CDCP1: variants seen among roughly 807,000 people sequenced by gnomAD.
CDCP1 encodes the protein CUB domain containing protein 1.
Under a neutral mutation model 60.2 loss-of-function variants are expected in CDCP1, and 29 were observed. The ratio of observed to expected loss-of-function variants is 0.48; its 90% CI spans 0.36 to 0.66. The LOEUF is 0.66. Among genes scored for constraint, CDCP1 ranks in the 30% least tolerant of loss-of-function variants. CDCP1 has a pLI of 0.00. For synonymous variants in CDCP1, 387 were observed against 431.1 expected (o/e 0.90, Z 1.27); for missense variants, 876 against 1,074.3 (o/e 0.82, Z 2.58).
chr3:45,115,418 C>T (rs925771993), intron 2 of CDCP1, among the ~76,000 whole-genome samples: 7 of 152,156 alleles, frequency 4.6e-5, no homozygotes, highest in African/African-American at 7.2e-5. Flanking sequence ...TGTGCATGTG[C>T]ACATGTGTGT....
intron 1 of CDCP1, among the ~76,000 whole-genome samples, chr3:45,120,209 C>T (rs1378444102): frequency 6.6e-6 from 1 of 152,176 alleles, no homozygotes; most frequent in African/African-American, 2.4e-5. Flanking sequence ...ATGCTGTATT[C>T]CCACAGCTCA....
rs1326636155 is a variant in CDCP1 at position 45,084,659 on chromosome 3, C to G, written c.*979G>C. ...CACCTTGATTTTCATTCAGGGACAT[C>G]CATTTTGGAATTCTGATCCCCAGGA... On this transcript the variant is annotated 3_prime_UTR_variant, in exon 9 of 9. Transcript: ENST00000296129. The G allele has an allele frequency of 6.6e-6, 1 of 152,556 alleles. No individual in the cohort carries two copies. The highest frequency in any genetic ancestry group is 1.5e-5 in the Non-Finnish European group (1 of 68,028). 9.5% of individuals were successfully genotyped at this position (152,556 alleles called of 1,614,324 possible). A position where few individuals can be genotyped will look rare whatever the true frequency, so the allele number is the denominator to read the frequency against.
At chr3:45,114,413 C>CTTTTT (rs10688307) in intron 2 of CDCP1, among the ~76,000 whole-genome samples, 11 of 143,946 alleles carry the variant, frequency 7.6e-5, no homozygotes, top group Non-Finnish European at 1.4e-4. Flanking sequence ...CATTAACTCT[C>CTTTTT]TTTTTTTTTT....
intron 1 of CDCP1, among the ~76,000 whole-genome samples, chr3:45,134,544 T>G (rs907862381): frequency 3.3e-5 from 5 of 152,102 alleles, no homozygotes; most frequent in African/African-American, 4.8e-5. Flanking sequence ...AATACATCCC[T>G]CAGTTTAAAC....
chr3:45,094,703 G>T (rs1036974758), intron 5 of CDCP1, among the ~76,000 whole-genome samples: 1 of 151,918 alleles, frequency 6.6e-6, no homozygotes, highest in African/African-American at 2.4e-5. Flanking sequence ...GTGTGGAAGT[G>T]GGGGTGTGGG....
chr3:45,106,822 C>T (rs1698574222), intron 4 of CDCP1, among the ~76,000 whole-genome samples: 1 of 152,124 alleles, frequency 6.6e-6, no homozygotes, highest in Non-Finnish European at 1.5e-5. Flanking sequence ...GGGAAACTAG[C>T]CCCAGGAGAT....
chr3:45,129,984 G>A (rs1203477659), intron 1 of CDCP1, among the ~76,000 whole-genome samples: 1 of 152,016 alleles, frequency 6.6e-6, no homozygotes, highest in Non-Finnish European at 1.5e-5. Flanking sequence ...AAAGGGGTAA[G>A]AGAGAAAATT....
intron 1 of CDCP1, 121 bp downstream of exon 1, chr3:45,146,085 C>T: frequency 1.4e-6 from 1 of 738,090 alleles, no homozygotes; most frequent in Non-Finnish European, 2.0e-6. Context: ...CCGTCCCCGC[C>T]CTCTCTCCGC....
chr3:45,097,492 A>C (rs1698420875), intron 4 of CDCP1, among the ~76,000 whole-genome samples: 2 of 147,832 alleles, frequency 1.4e-5, no homozygotes, highest in Admixed American at 1.4e-4. Context: ...TTTGAATTTC[A>C]TTCATTCTTT....
At position 45,110,764 on chromosome 3, in the gene CDCP1, G is replaced by A; in HGVS notation, c.733C>T (p.Pro245Ser). 1 of 1,614,124 alleles carries A rather than the reference G, an allele frequency of 6.2e-7. No homozygotes were observed. Among genetic ancestry groups the A allele is most frequent in the Non-Finnish European group, 8.5e-7 (1 of 1,180,024 alleles). ...LMSANYPEGFPEDELMTWQFV... is the reference protein window; with the variant it reads ...LMSANYPEGFSEDELMTWQFV... Reference sequence around the variant, plus strand: ...TGCCACGTCATGAGCTCATCCTCAGGGAAGCCTTCTGGGTAGTTGGCAGAC... The same window carrying A: ...TGCCACGTCATGAGCTCATCCTCAGAGAAGCCTTCTGGGTAGTTGGCAGAC... Residue 245 changes from proline to serine, a missense_variant, in exon 4 of 9, where the codon CCT (proline) becomes TCT (serine). Pro to Ser is a moderately conservative substitution (Grantham distance 74). Coordinates refer to ENST00000296129, the MANE Select transcript of CDCP1 (RefSeq NM_022842.5).
intron 1 of CDCP1, among the ~76,000 whole-genome samples, chr3:45,124,298 C>T (rs1698937149): frequency 2.0e-5 from 3 of 152,184 alleles, no homozygotes; most frequent in African/African-American, 7.2e-5. Flanking sequence ...GTTTAAAAGA[C>T]TGGCAAAATA....
chr3:45,111,886 C>A (rs1003190050), intron 3 of CDCP1, among the ~76,000 whole-genome samples, 197 bp downstream of exon 3: 3 of 152,136 alleles, frequency 2.0e-5, no homozygotes, highest in Admixed American at 6.5e-5. Flanking sequence ...AAGAGAATCA[C>A]CCCGTTTGTT....
chr3:45,131,179 A>C (rs1262092332), intron 1 of CDCP1, among the ~76,000 whole-genome samples: 2 of 152,024 alleles, frequency 1.3e-5, no homozygotes, highest in African/African-American at 4.8e-5. Context: ...CACTTCTTTA[A>C]AAAAATTTTT....
chr3:45,116,076 C>G (rs7625872), intron 2 of CDCP1, among the ~76,000 whole-genome samples: 1 of 151,750 alleles, frequency 6.6e-6, no homozygotes. Context: ...TATGTTATTG[C>G]CTGTTTTATT....
intron 4 of CDCP1, among the ~76,000 whole-genome samples, chr3:45,097,036 G>C (rs1698411594): frequency 6.6e-6 from 1 of 152,170 alleles, no homozygotes; most frequent in South Asian, 2.1e-4. Flanking sequence ...TGCCAGGCAT[G>C]GTGGCTCACA....
rs774991040 is a variant in CDCP1 at position 45,112,064 on chromosome 3, C to G, written c.655+19G>C. ...TGTGTGTTTTAACCTAATCAGATAG[C>G]AGGGAGGGGCTTTCTCACGTTTTAT... On this transcript the variant is annotated intron_variant, in intron 3 of 8. Transcript: ENST00000296129. 1 of 1,606,968 alleles carries G rather than the reference C, an allele frequency of 6.2e-7. No homozygotes were observed. Among genetic ancestry groups the G allele is most frequent in the Admixed American group, 1.7e-5 (1 of 59,880 alleles).
Position 45,093,432 on chromosome 3 carries a change from T to A in CDCP1, c.1472A>T (p.Gln491Leu). The change falls in exon 6 of 9, where the codon CAG (glutamine) becomes CTG (leucine). Residue 491 changes from glutamine to leucine, a missense_variant. By Grantham distance (113) the Gln-to-Leu change is moderately radical. Around this residue, in one of 2 missense-constraint regions of CDCP1, gnomAD observed 726 missense variants for 935.7 expected, o/e 0.78. Transcript: ENST00000296129. ...GCAGAAGGAGCCGAAGTACAGGTCCTGGCTGGGTATGGCACTGGCCACGAG... is the reference window on the plus strand; with the variant it reads ...GCAGAAGGAGCCGAAGTACAGGTCCAGGCTGGGTATGGCACTGGCCACGAG... ...SYLVASAIPS[Q>L]DLYFGSFCPG... 1.2e-6 allele frequency: 2 copies of A among 1,614,164 alleles called. No individual in the cohort carries two copies. The highest frequency in any genetic ancestry group is 1.7e-6 in the Non-Finnish European group (2 of 1,179,998).
intron 4 of CDCP1, among the ~76,000 whole-genome samples, chr3:45,106,271 T>G (rs1237702120): frequency 6.6e-6 from 1 of 152,234 alleles, no homozygotes; most frequent in Non-Finnish European, 1.5e-5. Flanking sequence ...TTGGGCTGGC[T>G]GGTGCCTCTC....
At chr3:45,087,825 C>G (rs1405539574) in intron 8 of CDCP1, among the ~76,000 whole-genome samples, 2 of 152,138 alleles carry the variant, frequency 1.3e-5, no homozygotes, top group Non-Finnish European at 2.9e-5. Flanking sequence ...CGAGACCATC[C>G]TGGCCAACAT....
Sources: gnomAD v4.1 joint callset for allele counts (sites outside exome capture counted in the v4.1 genomes callset) on GRCh38, gnomAD v4.1.1 for gene constraint, gnomAD v4.1.1 regional missense constraint, MANE v1.5 for transcripts, NCBI Gene and HGNC (gene_info 2026-07-23, HGNC 2026-07-21) for gene names.